The following PALS2 variants were observed in gnomAD, a reference collection of about 807,000 sequenced individuals.
PALS2 encodes the protein protein associated with LIN7 2, MAGUK p55 family member, also known as protein PALS2.
A neutral mutation model predicts 61.6 loss-of-function variants in PALS2; 27 were observed. The observed-to-expected ratio is 0.44, with a 90% confidence interval of 0.32 to 0.60. The LOEUF is 0.60. PALS2 is among the 20% of genes least tolerant of loss of function. The probability of loss-of-function intolerance (pLI) is 0.05; values close to 1 mark genes in which losing one functional copy is unlikely to be tolerated. For missense variants in PALS2, 554 were observed against 639.4 expected (o/e 0.87, Z 1.44); for synonymous variants, 236 against 218.6 (o/e 1.08, Z -0.70).
In PALS2 at chr7:24,584,124, G is replaced by A. The variant is rs1464011532; in HGVS notation, c.-3+10531G>A. On this transcript the variant is annotated intron_variant, in intron 1 of 11. Transcript: ENST00000222644. ...ATGAATAATGCCGCAATAAACATAC[G>A]TGTGCATGTGTCTTTATAGCAGCAT... Among the ~76,000 whole-genome samples, 9 of 148,734 alleles carry A rather than the reference G, an allele frequency of 6.1e-5. No homozygotes were observed. The East Asian group carries it at 1.1e-3, about 18-fold the overall frequency.
At chr7:24,638,940 T>C (rs1785377934) in intron 2 of PALS2, among the ~76,000 whole-genome samples, 1 of 152,246 alleles carries the variant, frequency 6.6e-6, no homozygotes, top group Non-Finnish European at 1.5e-5. Flanking sequence ...AAAGTACTGT[T>C]GCTGATCATA....
chr7:24,591,979 A>T (rs116010884), intron 1 of PALS2, among the ~76,000 whole-genome samples: 2,439 of 152,080 alleles, frequency 0.016, 79 homozygotes, highest in African/African-American at 0.056. Flanking sequence ...CAACAGAAAA[A>T]TGCAAAAAAA....
At chr7:24,662,509 C>T (rs987315005) in intron 5 of PALS2, among the ~76,000 whole-genome samples, 5 of 152,102 alleles carry the variant, frequency 3.3e-5, no homozygotes, top group Non-Finnish European at 5.9e-5. Flanking sequence ...TGGCTTATGC[C>T]TGTAATCCCC....
chr7:24,638,711 C>T (rs77615248), intron 2 of PALS2, among the ~76,000 whole-genome samples: 9,622 of 152,096 alleles, frequency 0.063, 354 homozygotes, highest in African/African-American at 0.093. Flanking sequence ...TTCAGATGTG[C>T]TTGGGTTCTT....
intron 5 of PALS2, among the ~76,000 whole-genome samples, chr7:24,652,174 G>A (rs1056480918): frequency 2.0e-5 from 3 of 152,174 alleles, no homozygotes; most frequent in Admixed American, 6.5e-5. Context: ...TAGGATTTAC[G>A]TATTTTATTT....
chr7:24,609,936 A>G (rs1405414027), intron 1 of PALS2, among the ~76,000 whole-genome samples: 1 of 152,120 alleles, frequency 6.6e-6, no homozygotes, highest in East Asian at 1.9e-4. Context: ...ATTCAGCTCT[A>G]CATTTGTTTT....
intron 1 of PALS2, among the ~76,000 whole-genome samples, chr7:24,584,774 T>G (rs1265504503): frequency 1.3e-5 from 2 of 151,906 alleles, no homozygotes; most frequent in African/African-American, 2.4e-5. Context: ...TAGGTTTTCT[T>G]CTGGGGTTTT....
Position 24,665,605 on chromosome 7 carries a change from G to T in PALS2, c.801G>T (p.Glu267Asp). 8 of 1,613,654 alleles carry T rather than the reference G, an allele frequency of 5.0e-6. No individual in the cohort carries two copies. The highest frequency in any genetic ancestry group is 6.8e-6 in the Non-Finnish European group (8 of 1,179,670). Residue 267 changes from glutamate (E) to aspartate (D), a missense_variant, in exon 7 of 12, where the codon GAG becomes GAT. Transcript: ENST00000222644. ...PNWWQASHVK[E>D]GGSAGLIPSQ... The stretch of plus-strand genomic sequence containing the variant: ...GATTCTAGGCTAGCCATGTAAAAGA[G>T]GGAGGAAGCGCTGGTCTCATTCCAA...
chr7:24,599,929 C>T (rs754365891), intron 1 of PALS2, among the ~76,000 whole-genome samples: 8 of 152,134 alleles, frequency 5.3e-5, no homozygotes, highest in Non-Finnish European at 7.3e-5. Flanking sequence ...CTTCTACCTT[C>T]ACATCATGTC....
At chr7:24,604,028 A>G (rs1220667028) in intron 1 of PALS2, among the ~76,000 whole-genome samples, 1 of 152,042 alleles carries the variant, frequency 6.6e-6, no homozygotes, top group African/African-American at 2.4e-5. Context: ...CAAATTGGCT[A>G]TTTAGAATAT....
chr7:24,616,821 C>T (rs1042848331), intron 1 of PALS2, among the ~76,000 whole-genome samples: 1 of 152,038 alleles, frequency 6.6e-6, no homozygotes, highest in Admixed American at 6.6e-5. Context: ...TGACTTGATG[C>T]TTTTCTTTTG....
chr7:24,665,283 T>G (rs1377751413), intron 6 of PALS2, among the ~76,000 whole-genome samples: 1 of 152,218 alleles, frequency 6.6e-6, no homozygotes, highest in Non-Finnish European at 1.5e-5. Context: ...TTAATACATC[T>G]TATTTAGAAT....
intron 2 of PALS2, among the ~76,000 whole-genome samples, chr7:24,636,231 AAAGT>A (rs1324727127): frequency 6.6e-6 from 1 of 151,730 alleles, no homozygotes; most frequent in African/African-American, 2.4e-5. Flanking sequence ...AAAAAAAAAA[AAAGT>A]ATCACTGTAA....
chr7:24,641,756 G>A lies in PALS2; in HGVS notation c.158G>A (p.Ser53Asn), dbSNP rs951862118. The change falls in exon 3 of 12, where the codon AGT (serine) becomes AAT (asparagine). Residue 53 changes from serine (S) to asparagine (N), a missense_variant. By Grantham distance (46) the Ser-to-Asn change is conservative (BLOSUM62 1). Transcript: ENST00000222644. The stretch of plus-strand genomic sequence containing the variant: ...GAAGATTCCAAACTAGAAGCTGTCA[G>A]TGACAATAACTTGGAATTAGTCAAT... ...RLEDSKLEAV[S>N]DNNLELVNEI... 13 of 1,612,270 alleles carry A rather than the reference G, an allele frequency of 8.1e-6. No homozygotes were observed. Among genetic ancestry groups the A allele is most frequent in the Non-Finnish European group, 1.0e-5 (12 of 1,178,980 alleles).
At chr7:24,651,975 C>T (rs1786175961) in intron 5 of PALS2, among the ~76,000 whole-genome samples, 3 of 152,064 alleles carry the variant, frequency 2.0e-5, no homozygotes, top group Admixed American at 2.0e-4. Context: ...TTGTAATTAA[C>T]TTTGGTTGAA....
intron 5 of PALS2, among the ~76,000 whole-genome samples, chr7:24,658,675 G>A (rs1057288536): frequency 2.0e-5 from 3 of 151,504 alleles, no homozygotes; most frequent in Admixed American, 1.3e-4. Context: ...TCCTGCCTGA[G>A]CCTCCCAAGT....
intron 11 of PALS2, among the ~76,000 whole-genome samples, chr7:24,685,234 G>C (rs983499833): frequency 1.3e-5 from 2 of 152,018 alleles, no homozygotes; most frequent in African/African-American, 4.8e-5. Flanking sequence ...ATTCCTTGCT[G>C]TGTGGTTAAA....
intron 5 of PALS2, among the ~76,000 whole-genome samples, chr7:24,655,750 G>A (rs764484586): frequency 2.4e-4 from 35 of 145,474 alleles, no homozygotes; most frequent in Admixed American, 1.3e-3. Context: ...AGCCTCCACC[G>A]CCCGGGTTCA....
At chr7:24,676,071 A>C (rs1020000214) in intron 9 of PALS2, among the ~76,000 whole-genome samples, 1 of 148,294 alleles carries the variant, frequency 6.7e-6, no homozygotes, top group African/African-American at 2.5e-5. Flanking sequence ...CTGACTTTTT[A>C]ATGATTGCCA....
Sources: gnomAD v4.1 joint callset for allele counts (sites outside exome capture counted in the v4.1 genomes callset) on GRCh38, gnomAD v4.1.1 for gene constraint, MANE v1.5 for transcripts, NCBI Gene and HGNC (gene_info 2026-07-23, HGNC 2026-07-21) for gene names.